The following EPHB1 variants were observed in gnomAD, a reference collection of about 807,000 sequenced individuals.
EPHB1 encodes the protein ephrin type-B receptor 1.
EPHB1 carries 30 observed loss-of-function variants against 94.4 expected under a neutral mutation model. That is an observed-to-expected ratio of 0.32 (90% CI 0.24 to 0.43). EPHB1 has a LOEUF of 0.43. Ranked by LOEUF, EPHB1 falls within the 20% of genes least tolerant of loss-of-function variation. EPHB1 has a pLI of 1.00. For missense variants in EPHB1, 1,055 were observed against 1,308.3 expected, an observed-to-expected ratio of 0.81 and a Z score of 2.99; for synonymous variants, 522 against 489.1, an observed-to-expected ratio of 1.07 and a Z score of -0.89.
intron 1 of EPHB1, among the ~76,000 whole-genome samples, chr3:134,834,848 G>T (rs1045317890): frequency 6.6e-6 from 1 of 152,218 alleles, no homozygotes; most frequent in Non-Finnish European, 1.5e-5. Flanking sequence ...AAAGCCTGCT[G>T]AATTATTTCA....
chr3:134,891,380 G>T (rs1279676513), intron 1 of EPHB1, among the ~76,000 whole-genome samples: 1 of 152,186 alleles, frequency 6.6e-6, no homozygotes, highest in Non-Finnish European at 1.5e-5. Flanking sequence ...AAAGTGCTGG[G>T]ATTACAGGTG....
intron 3 of EPHB1, among the ~76,000 whole-genome samples, chr3:135,027,256 A>G (rs1321912212): frequency 6.6e-6 from 1 of 151,998 alleles, no homozygotes; most frequent in East Asian, 1.9e-4. Context: ...ACTATGTTGA[A>G]TAGGAGTGGT....
In EPHB1 at chr3:135,019,537, T is replaced by C. The variant is rs561787348; in HGVS notation, c.805+67485T>C. Among the ~76,000 whole-genome samples the C allele has an allele frequency of 1.3e-3, 201 of 152,234 alleles. 1 individual carries two copies. Among genetic ancestry groups the C allele is most frequent in the African/African-American group, 4.6e-3 (193 of 41,552 alleles). ...GTAGAAACATGGAAGATATGGGAGATATAAAGAAAAAATGAAAATCACCCA... is the reference window on the plus strand; with the variant it reads ...GTAGAAACATGGAAGATATGGGAGACATAAAGAAAAAATGAAAATCACCCA... On this transcript the variant is annotated intron_variant, in intron 3 of 15. Coordinates refer to ENST00000398015, the MANE Select transcript of EPHB1 (RefSeq NM_004441.5).
At chr3:134,986,392 A>G (rs1028983419) in intron 3 of EPHB1, among the ~76,000 whole-genome samples, 4 of 152,186 alleles carry the variant, frequency 2.6e-5, no homozygotes, top group Admixed American at 1.3e-4. Flanking sequence ...CTTAATTGCC[A>G]TTCCTCACAA....
intron 7 of EPHB1, among the ~76,000 whole-genome samples, chr3:135,165,521 C>T (rs1007135762): frequency 1.3e-5 from 2 of 152,214 alleles, no homozygotes; most frequent in African/African-American, 2.4e-5. Flanking sequence ...TGGCTGACTG[C>T]GGATACTCTT....
At chr3:135,169,959 T>C (rs1941758653) in intron 9 of EPHB1, among the ~76,000 whole-genome samples, 1 of 152,184 alleles carries the variant, frequency 6.6e-6, no homozygotes, top group South Asian at 2.1e-4. Context: ...TGAATCCCAC[T>C]GCAGGAGGCA....
chr3:134,866,774 T>C (rs1370315076), intron 1 of EPHB1, among the ~76,000 whole-genome samples: 1 of 152,130 alleles, frequency 6.6e-6, no homozygotes, highest in Non-Finnish European at 1.5e-5. Context: ...CAGATCCATC[T>C]CTCCAGGGGC....
intron 3 of EPHB1, among the ~76,000 whole-genome samples, chr3:135,026,532 G>A (rs1432671775): frequency 1.0e-4 from 15 of 143,384 alleles, no homozygotes; most frequent in Non-Finnish European, 1.5e-4. Context: ...GTAGATATGC[G>A]GCGTTATTTC....
chr3:134,854,070 G>C (rs1163641371), intron 1 of EPHB1, among the ~76,000 whole-genome samples: 1 of 152,160 alleles, frequency 6.6e-6, no homozygotes, highest in African/African-American at 2.4e-5. Flanking sequence ...CCAAAATATG[G>C]TGTTGTCCTT....
At chr3:135,208,009 C>G (rs1401125578) in intron 12 of EPHB1, among the ~76,000 whole-genome samples, 1 of 152,150 alleles carries the variant, frequency 6.6e-6, no homozygotes, top group Non-Finnish European at 1.5e-5. Context: ...ATTATTAGGA[C>G]TTAAACATAT....
chr3:134,823,112 A>T (rs1454953690), intron 1 of EPHB1, among the ~76,000 whole-genome samples: 1 of 152,224 alleles, frequency 6.6e-6, no homozygotes, highest in Non-Finnish European at 1.5e-5. Context: ...TAAAAGCTCC[A>T]CTGGCTTTGC....
At chr3:134,899,221 T>TTCA (rs765863465) in intron 1 of EPHB1, among the ~76,000 whole-genome samples, 1 of 152,012 alleles carries the variant, frequency 6.6e-6, no homozygotes, top group Non-Finnish European at 1.5e-5. Flanking sequence ...ATGCATGAAG[T>TTCA]TCATCATCAT....
intron 3 of EPHB1, among the ~76,000 whole-genome samples, chr3:135,030,610 A>G (rs1936407081): frequency 6.6e-6 from 1 of 152,184 alleles, no homozygotes; most frequent in Non-Finnish European, 1.5e-5. Context: ...TCCTGGGAGA[A>G]CCACTGCTCT....
rs1313369976 is a variant in EPHB1 at position 135,195,819 on chromosome 3, G to T, written c.2130+2996G>T. Among the ~76,000 whole-genome samples, 152 of 126,644 alleles carry T rather than the reference G, an allele frequency of 1.2e-3. 1 individual carries two copies. The highest frequency in any genetic ancestry group is 5.2e-3 in the African/African-American group (141 of 26,888). The allele number at this position is 126,644 out of a possible 152,430, so 83.1% of individuals were successfully genotyped here. ...TACGTGTGCGTGTGTCTTTATAGCA[G>T]CATGATTTATAGTCCTTTGGGTATA... On this transcript the variant is annotated intron_variant, in intron 11 of 15. Coordinates refer to ENST00000398015, the MANE Select transcript of EPHB1 (RefSeq NM_004441.5).
intron 3 of EPHB1, among the ~76,000 whole-genome samples, chr3:135,083,603 G>T (rs935763929): frequency 6.6e-6 from 1 of 151,920 alleles, no homozygotes; most frequent in Non-Finnish European, 1.5e-5. Flanking sequence ...AGAGTAAGGG[G>T]AGTGTATGGA....
chr3:134,835,366 C>T (rs189090241), intron 1 of EPHB1, among the ~76,000 whole-genome samples: 1 of 152,296 alleles, frequency 6.6e-6, no homozygotes, highest in African/African-American at 2.4e-5. Flanking sequence ...TATTCCAGCC[C>T]ACGTGATTGC....
chr3:134,811,056 C>G (rs2036164141), intron 1 of EPHB1, among the ~76,000 whole-genome samples: 1 of 152,022 alleles, frequency 6.6e-6, no homozygotes, highest in Non-Finnish European at 1.5e-5. Flanking sequence ...CAGCTGATCT[C>G]TCACTTCCCA....
Position 134,876,704 on chromosome 3 carries a change from G to A in EPHB1, c.59-49112G>A, listed in dbSNP as rs112273592. On this transcript the variant is annotated intron_variant, in intron 1 of 15. Coordinates refer to ENST00000398015, the MANE Select transcript of EPHB1 (RefSeq NM_004441.5). ...ATGGCTGGGGTGATAGGTGAGGATG[G>A]CGCCAAGTGTTTGGGGTAGGTTGGG... Among the ~76,000 whole-genome samples the A allele has an allele frequency of 2.2e-3, 333 of 152,302 alleles. 2 individuals carry two copies. Among genetic ancestry groups the A allele is most frequent in the African/African-American group, 7.7e-3 (320 of 41,576 alleles).
intron 1 of EPHB1, among the ~76,000 whole-genome samples, chr3:134,879,825 A>T (rs540393770): frequency 1.5e-4 from 15 of 100,522 alleles, no homozygotes; most frequent in African/African-American, 5.5e-4. Context: ...AAATCAAATT[A>T]AAAAAAAGTA....
Sources: gnomAD v4.1 joint callset for allele counts (sites outside exome capture counted in the v4.1 genomes callset) on GRCh38, gnomAD v4.1.1 for gene constraint, MANE v1.5 for transcripts, NCBI Gene and HGNC (gene_info 2026-07-23, HGNC 2026-07-21) for gene names.